Variants in ZNF785 observed in about 807,000 individuals in gnomAD.
ZNF785 encodes the protein zinc finger protein 785.
ZNF785 carries 15 observed loss-of-function variants against 11.3 expected under a neutral mutation model. The ratio of observed to expected loss-of-function variants is 1.32; its 90% confidence interval spans 0.89 to 2.04. The LOEUF is 2.04. ZNF785 is among the 30% of genes most tolerant of loss of function. ZNF785 has a pLI of 0.00. For missense variants in ZNF785, 572 were observed against 560.9 expected (o/e 1.02, Z -0.20); for synonymous variants, 221 against 231.0 (o/e 0.96, Z 0.39).
chr16:30,585,375 C>A lies in ZNF785; in HGVS notation c.205+32G>T. On this transcript the variant is annotated intron_variant, in intron 1 of 2. Transcript: ENST00000395216. The surrounding 1 kb of genome is among the most constrained non-coding windows in gnomAD (Gnocchi z 4.0). The stretch of plus-strand genomic sequence containing the variant: ...CCGATCACCGCTTCCCACCGACGGA[C>A]TGGGGGTCCCGGCCGGAGGGCCCGG... 6.4e-7 allele frequency: 1 copy of A among 1,573,872 alleles called. No homozygotes were observed. Among genetic ancestry groups the A allele is most frequent in the South Asian group, 1.1e-5 (1 of 87,070 alleles).
rs891582644 is a variant in ZNF785 at position 30,582,884 on chromosome 16, C to T, written c.894G>A (p.Leu298=). The T allele has an allele frequency of 1.9e-6, 3 of 1,605,408 alleles. No individual in the cohort carries two copies. Among genetic ancestry groups the T allele is most frequent in the Non-Finnish European group, 2.5e-6 (3 of 1,177,840 alleles). ...TGTGTATGCGCCTGTGGATGGCCAGCAGGGAGGTGTAGGCGAAACGGAGGC... is the reference window on the plus strand; with the variant it reads ...TGTGTATGCGCCTGTGGATGGCCAGTAGGGAGGTGTAGGCGAAACGGAGGC... ...DCSLRFAYTS[L]LAIHRRIHTG... The change falls in exon 3 of 3, where the codon CTG becomes CTA. Residue 298 remains leucine (L), a synonymous_variant. Coordinates refer to ENST00000395216, the MANE Select transcript of ZNF785 (RefSeq NM_152458.7).
intron 2 of ZNF785, 148 bp from the exon 3 acceptor site, chr16:30,583,591 G>T: frequency 1.9e-6 from 2 of 1,040,650 alleles, no homozygotes; most frequent in Non-Finnish European, 2.7e-6. Flanking sequence ...CAGGGAGCAC[G>T]GCTTAATGAT....
In ZNF785 at chr16:30,585,480, T is replaced by A; in HGVS notation, c.132A>T (p.Glu44Asp). The change falls in exon 1 of 3, where the codon GAA becomes GAT. Residue 44 changes from glutamate to aspartate, a missense_variant. Transcript: ENST00000395216. The surrounding 1 kb of genome is among the most constrained non-coding windows in gnomAD (Gnocchi z 4.0). The part of the protein sequence containing the change: ...VAVYFSPEEW[E>D]CLRPAQRALY... ...GGGCCCTCTGCGCTGGCCGCAGGCA[T>A]TCCCACTCCTCGGGAGAGAAGTACA... 3 of 1,604,086 alleles carry A rather than the reference T, an allele frequency of 1.9e-6. No individual in the cohort carries two copies. Among genetic ancestry groups the A allele is most frequent in the Non-Finnish European group, 2.6e-6 (3 of 1,175,886 alleles).
Position 30,582,970 on chromosome 16 carries a change from G to C in ZNF785, c.808C>G (p.Leu270Val), listed in dbSNP as rs761470359. ...TGCTTGCGCTGGTGGATGGCCAGCA[G>C]GTAGGGGTAAGTGAAGCGACTCTTG... ...DCKSRFTYPY[L>V]LAIHQRKHTG... The change falls in exon 3 of 3, where the codon CTG becomes GTG. Residue 270 changes from leucine to valine, a missense_variant. Leu to Val is a conservative substitution (Grantham distance 32). Transcript: ENST00000395216. 6.2e-7 allele frequency: 1 copy of C among 1,614,134 alleles called. No individual in the cohort carries two copies. The highest frequency in any genetic ancestry group is 1.7e-5 in the Admixed American group (1 of 60,026).
rs765783605 is a variant in ZNF785 at position 30,583,173 on chromosome 16, CAGG to C, written c.602_604del (p.Ser201del). On this transcript the variant is annotated inframe_deletion, in exon 3 of 3. Coordinates refer to ENST00000395216, the MANE Select transcript of ZNF785 (RefSeq NM_152458.7). The stretch of plus-strand genomic sequence containing the variant: ...GGAGAAACGCGCCTGACACTGGCCG[CAGG>C]AGAAGGGCCGCTCCCCGGAGTGGAC... 1.4e-5 allele frequency: 22 copies of C among 1,613,984 alleles called. No homozygotes were observed. Among genetic ancestry groups the C allele is most frequent in the Non-Finnish European group, 1.8e-5 (21 of 1,180,018 alleles).
In ZNF785 at chr16:30,582,741, C is replaced by T. The variant is rs750482390; in HGVS notation, c.1037G>A (p.Gly346Glu). ...GGCGGTCTTGCGCTTGAAGCCTTTCCCACACTCCACGCAGGGGAAGGGCCG... is the reference window on the plus strand; with the variant it reads ...GGCGGTCTTGCGCTTGAAGCCTTTCTCACACTCCACGCAGGGGAAGGGCCG... ...DSRPFPCVEC[G>E]KGFKRKTALE... Residue 346 changes from glycine (G) to glutamate (E), a missense_variant, in exon 3 of 3, where the codon GGG becomes GAG. Physicochemically the swap from Gly to Glu is moderately conservative, Grantham distance 98. Coordinates refer to ENST00000395216, the MANE Select transcript of ZNF785 (RefSeq NM_152458.7). The T allele has an allele frequency of 1.2e-6, 2 of 1,610,100 alleles. No homozygotes were observed. Among genetic ancestry groups the T allele is most frequent in the Admixed American group, 3.3e-5 (2 of 59,874 alleles).
At chr16:30,578,948 T>A (rs1370599372), downstream of ZNF785, 1 of 151,680 alleles carries the variant, frequency 6.6e-6, no homozygotes, top group Non-Finnish European at 1.5e-5. Flanking sequence ...TCCCCCACCA[T>A]GCTCGGCTAA....
downstream of ZNF785, chr16:30,579,931 A>G: frequency 2.2e-6 from 1 of 450,852 alleles, no homozygotes; most frequent in East Asian, 7.0e-5. Flanking sequence ...TTTGTCGCCC[A>G]GGCTGGAGTG....
In ZNF785 at chr16:30,585,269, G is replaced by A; in HGVS notation, c.206-19C>T. 6.2e-7 allele frequency: 1 copy of A among 1,612,948 alleles called. No individual in the cohort carries two copies. The highest frequency in any genetic ancestry group is 2.2e-5 in the East Asian group (1 of 44,862). ...GAAAATCCTGCGAAGGAGAAACAAT[G>A]GGCTCGGCTGAGCGCACGGGAGGGG... is the stretch of plus-strand genomic sequence containing the variant. On this transcript the variant is annotated intron_variant, in intron 1 of 2. Transcript: ENST00000395216. This position sits in a 1 kb window ranked among gnomAD's most constrained non-coding sequence, Gnocchi z 4.0.
At position 30,582,302 on chromosome 16, in the gene ZNF785, A is replaced by G; in HGVS notation, c.*258T>C. 1.9e-6 allele frequency: 1 copy of G among 530,440 alleles called. No homozygotes were observed. Among genetic ancestry groups the G allele is most frequent in the Non-Finnish European group, 3.4e-6 (1 of 297,858 alleles). The allele number at this position is 530,440 out of a possible 1,614,324, so 32.9% of individuals were successfully genotyped here. On this transcript the variant is annotated 3_prime_UTR_variant, in exon 3 of 3. Coordinates refer to ENST00000395216, the MANE Select transcript of ZNF785 (RefSeq NM_152458.7). ...AACAATCATGAAGGAAAAGCCAGTT[A>G]GGTGAATGGTTTTCAGTGAAGGATG...
In ZNF785 at chr16:30,582,269, A is replaced by C. The variant is rs1597148128; in HGVS notation, c.*291T>G. The C allele has an allele frequency of 2.3e-6, 1 of 442,868 alleles. No individual in the cohort carries two copies. Among genetic ancestry groups the C allele is most frequent in the East Asian group, 4.5e-5 (1 of 22,090 alleles). The allele number at this position is 442,868 out of a possible 1,614,324, so 27.4% of individuals were successfully genotyped here. A position where few individuals can be genotyped will look rare whatever the true frequency, so the allele number is the denominator to read the frequency against. On this transcript the variant is annotated 3_prime_UTR_variant, in exon 3 of 3. Coordinates refer to ENST00000395216, the MANE Select transcript of ZNF785 (RefSeq NM_152458.7). ...ACAGGCCAAAAAGCAGAGAGCTACA[A>C]GGGAGAGAACAATCATGAAGGAAAA...
Position 30,583,422 on chromosome 16 carries a change from T to G in ZNF785, c.356A>C (p.Glu119Ala). Residue 119 changes from glutamate (E) to alanine (A), a missense_variant, in exon 3 of 3, where the codon GAG becomes GCG. Physicochemically the swap from Glu to Ala is moderately radical, Grantham distance 107 (BLOSUM62 -1). Coordinates refer to ENST00000395216, the MANE Select transcript of ZNF785 (RefSeq NM_152458.7). ...TGGACACTTCTTCAGCCTTTCCTTC[T>G]CCTCATTCCCATCCCTGGATCCTGA... ...QEAGSRDGNE[E>A]KERLKKCPKQ... 1 of 1,553,366 alleles carries G rather than the reference T, an allele frequency of 6.4e-7. No individual in the cohort carries two copies. Among genetic ancestry groups the G allele is most frequent in the Non-Finnish European group, 8.7e-7 (1 of 1,148,474 alleles).
chr16:30,585,409 A>C lies in ZNF785; in HGVS notation c.203T>G (p.Leu68Arg), dbSNP rs770899906. 6.3e-7 allele frequency: 1 copy of C among 1,586,246 alleles called. No homozygotes were observed. The highest frequency in any genetic ancestry group is 8.6e-7 in the Non-Finnish European group (1 of 1,167,744). The change falls in exon 1 of 3, where the codon CTG becomes CGG. Residue 68 changes from leucine (L) to arginine (R), a missense_variant and splice_region_variant. Physicochemically the swap from Leu to Arg is moderately radical, Grantham distance 102 (BLOSUM62 -2). Coordinates refer to ENST00000395216, the MANE Select transcript of ZNF785 (RefSeq NM_152458.7). This position sits in a 1 kb window ranked among gnomAD's most constrained non-coding sequence, Gnocchi z 4.0. ...MRETFGHLGA[L>R]GFSVPKPAFI... ...CCGGCCGGAGGGCCCGGCCTCACCC[A>C]GCGCGCCCAGGTGGCCGAAGGTCTC... is the stretch of plus-strand genomic sequence containing the variant.
In ZNF785 at chr16:30,585,145, C is replaced by T. The variant is rs761839104; in HGVS notation, c.311G>A (p.Ser104Asn). Residue 104 changes from serine (S) to asparagine (N), a missense_variant, in exon 2 of 3, where the codon AGC (serine) becomes AAC (asparagine). Physicochemically the swap from Ser to Asn is conservative, Grantham distance 46. Coordinates refer to ENST00000395216, the MANE Select transcript of ZNF785 (RefSeq NM_152458.7). This position sits in a 1 kb window ranked among gnomAD's most constrained non-coding sequence, Gnocchi z 4.0. ...ACCTGCTTCCTGTCCTTGGCCCCTG[C>T]TGAAAGCTGCAGAGCTCTCACCGTC... Reference protein sequence around the residue: ...DPDGESSAAFSRGQGQEAGSR... With the variant: ...DPDGESSAAFNRGQGQEAGSR... 4.3e-6 allele frequency: 7 copies of T among 1,613,340 alleles called. No homozygotes were observed. The highest frequency in any genetic ancestry group is 5.9e-6 in the Non-Finnish European group (7 of 1,179,514).
In ZNF785 at chr16:30,585,083, G is replaced by A. The variant is rs1042080543; in HGVS notation, c.334+39C>T. 10 of 1,584,662 alleles carry A rather than the reference G, an allele frequency of 6.3e-6. No homozygotes were observed. The highest frequency in any genetic ancestry group is 3.4e-5 in the South Asian group (3 of 87,920). On this transcript the variant is annotated intron_variant, in intron 2 of 2. Transcript: ENST00000395216. This position sits in a 1 kb window ranked among gnomAD's most constrained non-coding sequence, Gnocchi z 4.0. ...GGATGTGAGTGAGTTGGGGGCGGGGGTTGGGGCTTCTCCACGGCTACTTAT... is the reference window on the plus strand; with the variant it reads ...GGATGTGAGTGAGTTGGGGGCGGGGATTGGGGCTTCTCCACGGCTACTTAT...
At chr16:30,579,882 T>C (rs1300514843), downstream of ZNF785, 1 of 455,042 alleles carries the variant, frequency 2.2e-6, no homozygotes, top group East Asian at 7.0e-5. Flanking sequence ...TTAACTGTTG[T>C]TTTTTGTTTT....
rs1339263853 is a variant in ZNF785 at position 30,583,114 on chromosome 16, G to A, written c.664C>T (p.His222Tyr). 3.7e-6 allele frequency: 6 copies of A among 1,614,060 alleles called. No homozygotes were observed. Among genetic ancestry groups the A allele is most frequent in the African/African-American group, 1.3e-5 (1 of 74,952 alleles). ...CAGGGGTAGGGCTTCTCGCCGGTGT[G>A]GATGAACTGATGCTGGAGCAGGTAC... ...RRYLLQHQFI[H>Y]TGEKPYPCPD... is the part of the protein sequence containing the mutation. The change falls in exon 3 of 3, where the codon CAC becomes TAC. Residue 222 changes from histidine (H) to tyrosine (Y), a missense_variant. Coordinates refer to ENST00000395216, the MANE Select transcript of ZNF785 (RefSeq NM_152458.7).
downstream of ZNF785, chr16:30,579,759 C>G (rs546624162): frequency 4.4e-6 from 2 of 453,792 alleles, no homozygotes; most frequent in East Asian, 1.4e-4. Flanking sequence ...CACTGACCAC[C>G]AGTCCTGGAA....
chr16:30,585,497 A>G lies in ZNF785; in HGVS notation c.115T>C (p.Ser39Pro), dbSNP rs778359414. ...VSFADVAVYFSPEEWECLRPA... is the reference protein window; with the variant it reads ...VSFADVAVYFPPEEWECLRPA... The stretch of plus-strand genomic sequence containing the variant: ...CGCAGGCATTCCCACTCCTCGGGAG[A>G]GAAGTACACGGCCACGTCCGCGAAG... The change falls in exon 1 of 3, where the codon TCT becomes CCT. Residue 39 changes from serine to proline, a missense_variant. Ser to Pro is a moderately conservative substitution (Grantham distance 74, BLOSUM62 -1). Transcript: ENST00000395216. This position sits in a 1 kb window ranked among gnomAD's most constrained non-coding sequence, Gnocchi z 4.0. The G allele has an allele frequency of 1.9e-6, 3 of 1,601,314 alleles. No individual in the cohort carries two copies. The East Asian group carries it at 6.8e-5, about 36-fold the overall frequency.
Sources: gnomAD v4.1 joint callset for allele counts on GRCh38, gnomAD v4.1.1 for gene constraint, Gnocchi (gnomAD v3.1) non-coding constraint, MANE v1.5 for transcripts, NCBI Gene and HGNC (gene_info 2026-07-23, HGNC 2026-07-21) for gene names.